The following BANK1 variants were observed in gnomAD, a reference collection of about 807,000 sequenced individuals.
BANK1 encodes B cell scaffold protein with ankyrin repeats 1, also known as B-cell scaffold protein with ankyrin repeats.
In BANK1, 95 loss-of-function variants were observed where a neutral mutation model predicts 94.5. The ratio of observed to expected loss-of-function variants is 1.00; its 90% CI spans 0.85 to 1.19. The LOEUF (loss-of-function observed/expected upper bound fraction) is 1.19. Ranked by LOEUF, BANK1 falls within the 50% of genes most tolerant of loss-of-function variation. The pLI, the probability that BANK1 is intolerant of heterozygous loss-of-function variation, is 0.00. For missense variants in BANK1, 987 were observed against 932.2 expected (o/e 1.06, Z -0.77); for synonymous variants, 334 against 308.4 (o/e 1.08, Z -0.87).
intron 2 of BANK1, among the ~76,000 whole-genome samples, chr4:101,844,273 G>C (rs1399770654): frequency 2.6e-5 from 4 of 152,204 alleles, no homozygotes; most frequent in Non-Finnish European, 4.4e-5. Context: ...TCTTCCACTA[G>C]AAGCAACCAT....
At chr4:102,003,295 T>G (rs2148937504) in intron 7 of BANK1, among the ~76,000 whole-genome samples, 1 of 152,306 alleles carries the variant, frequency 6.6e-6, no homozygotes, top group East Asian at 1.9e-4. Flanking sequence ...GTGATTGAGT[T>G]TTACTCATAA....
chr4:101,959,103 T>A (rs1724474855), intron 7 of BANK1, among the ~76,000 whole-genome samples: 1 of 151,888 alleles, frequency 6.6e-6, no homozygotes, highest in Non-Finnish European at 1.5e-5. Flanking sequence ...TACTAAAAAC[T>A]ATTATTATTC....
chr4:101,945,737 C>G (rs1241752881), intron 7 of BANK1, among the ~76,000 whole-genome samples: 1 of 151,802 alleles, frequency 6.6e-6, no homozygotes, highest in Non-Finnish European at 1.5e-5. Context: ...AGAGTAGACT[C>G]TCAGTACATA....
intron 7 of BANK1, among the ~76,000 whole-genome samples, chr4:101,994,767 A>C (rs1725820078): frequency 6.6e-6 from 1 of 152,124 alleles, no homozygotes. Context: ...GATATTTAAA[A>C]TTCTTCAATT....
At chr4:101,899,807 C>T (rs1722214558) in intron 6 of BANK1, among the ~76,000 whole-genome samples, 2 of 152,214 alleles carry the variant, frequency 1.3e-5, no homozygotes, top group Admixed American at 1.3e-4. Flanking sequence ...GGAATTACCT[C>T]TGGCCTGAGT....
intron 1 of BANK1, among the ~76,000 whole-genome samples, chr4:101,804,386 G>C (rs541323943): frequency 1.6e-3 from 237 of 152,290 alleles, no homozygotes; most frequent in African/African-American, 5.4e-3. Context: ...TAGTTTGTCT[G>C]TCTAGGAAAT....
chr4:102,027,733 G>A (rs370964050), intron 9 of BANK1, among the ~76,000 whole-genome samples: 5 of 150,656 alleles, frequency 3.3e-5, no homozygotes, highest in African/African-American at 9.8e-5. Context: ...GTGGATTTAC[G>A]GACTTCTTCA....
chr4:101,837,133 T>A lies in BANK1; in HGVS notation c.469+6927T>A, dbSNP rs536818458. ...TCATAATCAAATATTATGTACAATT[T>A]TTTTTAAATTAGCAGGATTTAAAAC... On this transcript the variant is annotated intron_variant, in intron 2 of 16. Coordinates refer to ENST00000322953, the MANE Select transcript of BANK1 (RefSeq NM_017935.5). Among the ~76,000 whole-genome samples, 103 of 152,352 alleles carry A rather than the reference T, an allele frequency of 6.8e-4. No homozygotes were observed. In the Middle Eastern group the frequency reaches 0.01, roughly 15 times the overall value.
At chr4:101,983,225 C>T (rs1725377918) in intron 7 of BANK1, among the ~76,000 whole-genome samples, 1 of 152,110 alleles carries the variant, frequency 6.6e-6, no homozygotes, top group East Asian at 1.9e-4. Flanking sequence ...TTAAAATACA[C>T]ATTTATGACT....
chr4:101,856,784 T>C (rs1281870663), intron 3 of BANK1, among the ~76,000 whole-genome samples: 2 of 152,178 alleles, frequency 1.3e-5, no homozygotes, highest in African/African-American at 4.8e-5. Flanking sequence ...TCTTTCAGAC[T>C]CTTGGATTTA....
At chr4:102,008,977 T>TCTGGCCC (rs1211564060) in intron 7 of BANK1, among the ~76,000 whole-genome samples, 3 of 152,218 alleles carry the variant, frequency 2.0e-5, no homozygotes, top group African/African-American at 7.2e-5. Flanking sequence ...ACTTGTTTTC[T>TCTGGCCC]CTGGCCCCTG....
At chr4:101,849,207 C>A (rs1479023160) in intron 2 of BANK1, among the ~76,000 whole-genome samples, 1 of 152,178 alleles carries the variant, frequency 6.6e-6, no homozygotes, top group East Asian at 1.9e-4. Flanking sequence ...CTTTTTTACT[C>A]TTAATCCGCT....
chr4:102,041,933 G>C (rs1727716082), intron 10 of BANK1, among the ~76,000 whole-genome samples: 1 of 151,922 alleles, frequency 6.6e-6, no homozygotes, highest in African/African-American at 2.4e-5. Context: ...ATGCCAAAAA[G>C]CTGGAAAAAT....
At position 101,993,484 on chromosome 4, in the gene BANK1, G is replaced by A. The variant is rs141722774; in HGVS notation, c.1207-28030G>A. Reference sequence around the variant, plus strand: ...GGGAGTAAATGTGGTAAACTGGGGCGTGGAGGTATACAGACTTTCAGGGCC... The same window carrying A: ...GGGAGTAAATGTGGTAAACTGGGGCATGGAGGTATACAGACTTTCAGGGCC... On this transcript the variant is annotated intron_variant, in intron 7 of 16. Transcript: ENST00000322953. Among the ~76,000 whole-genome samples the A allele has an allele frequency of 1.4e-3, 211 of 152,292 alleles. 1 individual carries two copies. Among genetic ancestry groups the A allele is most frequent in the African/African-American group, 4.5e-3 (185 of 41,572 alleles).
chr4:101,792,295 T>C (rs1163944719), intron 1 of BANK1, among the ~76,000 whole-genome samples: 1 of 126,112 alleles, frequency 7.9e-6, no homozygotes, highest in Non-Finnish European at 1.6e-5. Flanking sequence ...TGGGTCCTTC[T>C]CCATGCAGTA....
intron 5 of BANK1, 109 bp from the exon 6 acceptor site, chr4:101,895,196 G>T (rs1722019252): frequency 3.5e-6 from 2 of 565,750 alleles, no homozygotes; most frequent in African/African-American, 2.0e-5. Flanking sequence ...TATTACTAAA[G>T]ATTAGCCATT....
chr4:101,852,550 T>C (rs1360777094), intron 2 of BANK1, among the ~76,000 whole-genome samples: 1 of 147,892 alleles, frequency 6.8e-6, no homozygotes, highest in Non-Finnish European at 1.5e-5. Flanking sequence ...CCTATGTCTT[T>C]AATTCCTACC....
At chr4:101,844,662 A>G (rs1287229756) in intron 2 of BANK1, among the ~76,000 whole-genome samples, 1 of 152,246 alleles carries the variant, frequency 6.6e-6, no homozygotes, top group Non-Finnish European at 1.5e-5. Context: ...AACTTTTTAA[A>G]AACTCAATTC....
At chr4:101,969,983 T>C (rs1160801698) in intron 7 of BANK1, among the ~76,000 whole-genome samples, 1 of 152,170 alleles carries the variant, frequency 6.6e-6, no homozygotes, top group Non-Finnish European at 1.5e-5. Context: ...AATGCCACAA[T>C]AGTTTCAATC....
Sources: gnomAD v4.1 joint callset for allele counts (sites outside exome capture counted in the v4.1 genomes callset) on GRCh38, gnomAD v4.1.1 for gene constraint, MANE v1.5 for transcripts, NCBI Gene and HGNC (gene_info 2026-07-23, HGNC 2026-07-21) for gene names.